The following ZFHX3 variants were observed in gnomAD, a reference collection of about 807,000 sequenced individuals.
ZFHX3 encodes zinc finger homeobox protein 3.
ZFHX3 carries 42 observed loss-of-function variants against 279.1 expected under a neutral mutation model. The ratio of observed to expected loss-of-function variants is 0.15; its 90% CI spans 0.12 to 0.19. The LOEUF is 0.19. Among genes scored for constraint, ZFHX3 ranks in the 10% least tolerant of loss-of-function variants. The probability of loss-of-function intolerance (pLI) is 1.00; values close to 1 mark genes in which losing one functional copy is unlikely to be tolerated. For missense variants in ZFHX3, 4,981 were observed against 4,754.0 expected (o/e 1.05, Z -1.40); for synonymous variants, 2,293 against 1,957.8 (o/e 1.17, Z -4.52).
At chr16:72,828,919 G>A (rs540159391) in intron 5 of ZFHX3, among the ~76,000 whole-genome samples, 3 of 151,954 alleles carry the variant, frequency 2.0e-5, no homozygotes, top group Non-Finnish European at 4.4e-5. Context: ...TCGAACTCCT[G>A]AGCTTAAGCA....
intron 5 of ZFHX3, among the ~76,000 whole-genome samples, chr16:73,145,427 G>A (rs1197637794): frequency 6.6e-6 from 1 of 152,232 alleles, no homozygotes; most frequent in Non-Finnish European, 1.5e-5. Context: ...GACAATGGCA[G>A]CCTCCTGCGG....
Position 73,507,574 on chromosome 16 carries a change from C to T in ZFHX3, c.-1546-51316G>A, listed in dbSNP as rs1324313496. Among the ~76,000 whole-genome samples the T allele has an allele frequency of 2.1e-5, 3 of 146,066 alleles. No individual in the cohort carries two copies. The East Asian group carries it at 6.2e-4, about 30-fold the overall frequency. On this transcript the variant is annotated intron_variant, in intron 2 of 17. Coordinates refer to the ZFHX3 transcript ENST00000641206. ...ACAGTGGTGCAGTCATGGCTCACTG[C>T]AGCTTCACATTCCTGGGCTCAAGTG...
At chr16:73,596,524 T>C (rs975036505) in intron 2 of ZFHX3, among the ~76,000 whole-genome samples, 1 of 152,142 alleles carries the variant, frequency 6.6e-6, no homozygotes, top group Non-Finnish European at 1.5e-5. Context: ...GAGGATTTCT[T>C]TCAGCCTTCC....
intron 2 of ZFHX3, among the ~76,000 whole-genome samples, chr16:73,534,050 G>A (rs566885354): frequency 9.2e-5 from 14 of 152,054 alleles, no homozygotes; most frequent in Non-Finnish European, 1.2e-4. Context: ...TCTGCTCAAG[G>A]TCGTCAGATG....
intron 5 of ZFHX3, among the ~76,000 whole-genome samples, chr16:73,157,596 A>G (rs1019241183): frequency 4.6e-5 from 7 of 151,950 alleles, no homozygotes; most frequent in African/African-American, 1.5e-4. Flanking sequence ...ATTGTTTCCA[A>G]TTTGGCTTAA....
chr16:72,803,154 A>G (rs1025126095), intron 7 of ZFHX3, among the ~76,000 whole-genome samples: 5 of 152,128 alleles, frequency 3.3e-5, no homozygotes, highest in African/African-American at 1.2e-4. Flanking sequence ...CAACATGGTG[A>G]AACCCCATCT....
At chr16:73,325,205 G>A (rs1201435761) in intron 3 of ZFHX3, among the ~76,000 whole-genome samples, 1 of 151,962 alleles carries the variant, frequency 6.6e-6, no homozygotes, top group East Asian at 1.9e-4. Context: ...GGGGAGAGGT[G>A]GATGGTTAAT....
intron 1 of ZFHX3, among the ~76,000 whole-genome samples, chr16:73,767,481 GTTTA>G (rs2063820938): frequency 1.3e-5 from 2 of 152,102 alleles, no homozygotes; most frequent in African/African-American, 4.8e-5. Context: ...TATCCTTACT[GTTTA>G]TTTCTCAGTT....
At chr16:73,255,890 G>A (rs925789236) in intron 5 of ZFHX3, among the ~76,000 whole-genome samples, 9 of 152,228 alleles carry the variant, frequency 5.9e-5, no homozygotes, top group East Asian at 1.9e-4. Context: ...TGTTTGATCT[G>A]GGGTCTCTGG....
chr16:73,113,421 C>T (rs146060328), intron 7 of ZFHX3, among the ~76,000 whole-genome samples: 5 of 152,186 alleles, frequency 3.3e-5, no homozygotes, highest in African/African-American at 1.2e-4. Flanking sequence ...AAAGCTGCCT[C>T]TAAGAAATTA....
At chr16:72,929,950 G>A (rs893185668) in intron 3 of ZFHX3, among the ~76,000 whole-genome samples, 1 of 152,240 alleles carries the variant, frequency 6.6e-6, no homozygotes, top group South Asian at 2.1e-4. Context: ...GGGCGCGGTG[G>A]CTCACGCCTG....
At chr16:73,554,031 G>A (rs78180656) in intron 2 of ZFHX3, among the ~76,000 whole-genome samples, 2,872 of 152,252 alleles carry the variant, frequency 0.019, 177 homozygotes, top group Admixed American at 0.12. Context: ...AGTACAAGGG[G>A]GGAAATGTAT....
intron 4 of ZFHX3, among the ~76,000 whole-genome samples, chr16:72,867,674 T>C (rs1031840164): frequency 9.2e-5 from 14 of 152,098 alleles, no homozygotes; most frequent in Non-Finnish European, 1.3e-4. Context: ...GTCAAGTTTC[T>C]AGCCAAGGTG....
chr16:73,842,553 C>T (rs1961337624), intron 1 of ZFHX3, among the ~76,000 whole-genome samples: 2 of 152,086 alleles, frequency 1.3e-5, no homozygotes, highest in South Asian at 4.1e-4. Context: ...CTGACTCCAC[C>T]ACAGTTCTCC....
chr16:73,599,307 G>T (rs2052086502), intron 2 of ZFHX3, among the ~76,000 whole-genome samples: 1 of 152,200 alleles, frequency 6.6e-6, no homozygotes, highest in Non-Finnish European at 1.5e-5. Context: ...CATCAGTGTG[G>T]ATGTCCTCTG....
At chr16:73,746,700 C>T (rs2053706616) in intron 1 of ZFHX3, among the ~76,000 whole-genome samples, 1 of 152,204 alleles carries the variant, frequency 6.6e-6, no homozygotes. Flanking sequence ...GCTTCCCCAA[C>T]ATCAAGATTA....
chr16:73,739,029 T>A (rs771396152), intron 1 of ZFHX3, among the ~76,000 whole-genome samples: 6 of 152,210 alleles, frequency 3.9e-5, no homozygotes, highest in Non-Finnish European at 8.8e-5. Flanking sequence ...AGCAATGCCA[T>A]CTCCTTCCTC....
rs139438350 is a variant in ZFHX3 at position 73,545,907 on chromosome 16, A to C, written c.-1546-89649T>G. ...TATTGCAGGGGACAAACTCTGAATAAAGCAGTTCCGAGTTCCCAGAATTGG... is the reference window on the plus strand; with the variant it reads ...TATTGCAGGGGACAAACTCTGAATACAGCAGTTCCGAGTTCCCAGAATTGG... On this transcript the variant is annotated intron_variant, in intron 2 of 17. Coordinates refer to the ZFHX3 transcript ENST00000641206. Among the ~76,000 whole-genome samples the C allele has an allele frequency of 5.7e-3, 867 of 152,274 alleles. 7 individuals carry two copies. Among genetic ancestry groups the C allele is most frequent in the Non-Finnish European group, 9.0e-3 (610 of 68,030 alleles).
chr16:73,256,130 G>T lies in ZFHX3; in HGVS notation c.-1104+917C>A, dbSNP rs1453736894. ...AAGATCACGCTCGAACATCGTCTAG[G>T]AGGAGATGCCATTCTTCAGTGGTCA... On this transcript the variant is annotated intron_variant, in intron 5 of 17. Transcript: ENST00000641206. Among the ~76,000 whole-genome samples the T allele has an allele frequency of 3.3e-5, 5 of 152,186 alleles. No individual in the cohort carries two copies. In the East Asian group the frequency reaches 9.6e-4, roughly 29 times the overall value.
Sources: gnomAD v4.1 joint callset for allele counts (sites outside exome capture counted in the v4.1 genomes callset) on GRCh38, gnomAD v4.1.1 for gene constraint, MANE v1.5 for transcripts, NCBI Gene and HGNC (gene_info 2026-07-23, HGNC 2026-07-21) for gene names.